Variants in ADAMTS17 observed in about 807,000 individuals in gnomAD.
ADAMTS17 encodes the protein A disintegrin and metalloproteinase with thrombospondin motifs 17.
Under a neutral mutation model 141.5 loss-of-function variants are expected in ADAMTS17, and 113 were observed. The observed-to-expected ratio is 0.80, with a 90% confidence interval of 0.69 to 0.93. The LOEUF is 0.93. ADAMTS17 is among the 40% of genes least tolerant of loss of function. The pLI is 0.00. For synonymous variants in ADAMTS17, 768 were observed against 630.6 expected (o/e 1.22, Z -3.27); for missense variants, 1,659 against 1,517.9 (o/e 1.09, Z -1.54).
intron 18 of ADAMTS17, among the ~76,000 whole-genome samples, chr15:100,029,645 G>A (rs1004563380): frequency 6.6e-6 from 1 of 152,112 alleles, no homozygotes; most frequent in Non-Finnish European, 1.5e-5. Flanking sequence ...TGGGCTCTGG[G>A]CCCTGAAGTC....
chr15:100,095,493 G>A (rs1002871868), intron 15 of ADAMTS17, among the ~76,000 whole-genome samples: 2 of 152,110 alleles, frequency 1.3e-5, no homozygotes, highest in Non-Finnish European at 2.9e-5. Context: ...TCTCTTGTTG[G>A]GGGAAAATGA....
At chr15:100,101,855 C>T (rs776953119) in intron 14 of ADAMTS17, among the ~76,000 whole-genome samples, 6 of 152,202 alleles carry the variant, frequency 3.9e-5, no homozygotes, top group Admixed American at 1.3e-4. Flanking sequence ...CCCATCTCTT[C>T]GGTTGGAGGG....
intron 10 of ADAMTS17, among the ~76,000 whole-genome samples, chr15:100,141,375 T>C (rs1555461062): frequency 1.3e-5 from 2 of 152,170 alleles, no homozygotes; most frequent in Non-Finnish European, 2.9e-5. Context: ...TCTCTGGGCA[T>C]CTGCTGAGGG....
intron 13 of ADAMTS17, among the ~76,000 whole-genome samples, chr15:100,116,131 G>GAAAAAAAAA (rs2037100483): frequency 1.2e-5 from 1 of 80,070 alleles, no homozygotes; most frequent in Non-Finnish European, 2.1e-5. Context: ...ACAGTTTTAG[G>GAAAAAAAAA]TAAAAAAAAA....
At position 100,246,899 on chromosome 15, in the gene ADAMTS17, T is replaced by TTTA. The variant is rs2043005358; in HGVS notation, c.1075+7236_1075+7237insTAA. 6.9e-5 allele frequency among the ~76,000 whole-genome samples: 5 copies of TTTA among 71,958 alleles called. No homozygotes were observed. In the East Asian group the frequency reaches 2.8e-3, roughly 41 times the overall value. The allele number at this position is 71,958 out of a possible 152,430, so 47.2% of individuals were successfully genotyped here. ...TATTTATTTATTTATTTATTTATTT[T>TTTA]TTGAGACAATGTCTCTCTCTGTCGC... On this transcript the variant is annotated intron_variant, in intron 7 of 21. Transcript: ENST00000268070.
intron 4 of ADAMTS17, among the ~76,000 whole-genome samples, 200 bp downstream of exon 4, chr15:100,281,029 G>A (rs552960153): frequency 6.6e-6 from 1 of 152,172 alleles, no homozygotes; most frequent in African/African-American, 2.4e-5. Flanking sequence ...CCAGTGTGGA[G>A]CCGAGGGCAG....
intron 6 of ADAMTS17, chr15:100,256,694 G>C (rs2043338719): frequency 6.5e-6 from 1 of 152,766 alleles, no homozygotes; most frequent in East Asian, 1.9e-4. Flanking sequence ...GCAGCTTCGG[G>C]CCAGCTGTGT....
intron 14 of ADAMTS17, among the ~76,000 whole-genome samples, chr15:100,100,367 C>T (rs982724918): frequency 6.6e-6 from 1 of 152,184 alleles, no homozygotes; most frequent in Non-Finnish European, 1.5e-5. Context: ...TTTCAGCCAT[C>T]ATCCTCATGC....
chr15:100,250,523 A>C (rs1338328613), intron 7 of ADAMTS17, among the ~76,000 whole-genome samples: 1 of 152,230 alleles, frequency 6.6e-6, no homozygotes, highest in Non-Finnish European at 1.5e-5. Context: ...AATACAGATA[A>C]ATGGGTGCCA....
rs1356146528 is a variant in ADAMTS17 at position 99,973,495 on chromosome 15, G to A, written c.*907C>T. 1.3e-5 allele frequency: 2 copies of A among 152,256 alleles called. No homozygotes were observed. The highest frequency in any genetic ancestry group is 4.8e-5 in the African/African-American group (2 of 41,448). 9.4% of individuals were successfully genotyped at this position (152,256 alleles called of 1,614,324 possible). On this transcript the variant is annotated 3_prime_UTR_variant, in exon 22 of 22. Coordinates refer to ENST00000268070, the MANE Select transcript of ADAMTS17 (RefSeq NM_139057.4). Reference sequence around the variant, plus strand: ...GCATCTCTAAGGTACAAAGCTTTAGGAAGTGCAGGCCAGAGTGGATGTTCC... The same window carrying A: ...GCATCTCTAAGGTACAAAGCTTTAGAAAGTGCAGGCCAGAGTGGATGTTCC...
At chr15:100,131,286 T>C (rs2038027246) in intron 12 of ADAMTS17, among the ~76,000 whole-genome samples, 1 of 146,626 alleles carries the variant, frequency 6.8e-6, no homozygotes, top group Non-Finnish European at 1.5e-5. Context: ...AGTTGATGGG[T>C]GCAGCAAACC....
chr15:100,272,955 TTTCTC>T (rs1173336295), intron 4 of ADAMTS17, among the ~76,000 whole-genome samples: 3 of 152,074 alleles, frequency 2.0e-5, no homozygotes, highest in African/African-American at 4.8e-5. Flanking sequence ...GGATGATCAT[TTTCTC>T]TTTTCATTTT....
chr15:100,131,679 T>C (rs1431304373), intron 12 of ADAMTS17, among the ~76,000 whole-genome samples: 1 of 152,200 alleles, frequency 6.6e-6, no homozygotes, highest in Non-Finnish European at 1.5e-5. Context: ...CAGTGTGGAA[T>C]GACCCTGGAC....
intron 15 of ADAMTS17, among the ~76,000 whole-genome samples, chr15:100,060,048 A>G (rs1337541309): frequency 6.6e-6 from 1 of 152,240 alleles, no homozygotes; most frequent in Admixed American, 6.5e-5. Context: ...CCATGGGGCA[A>G]TTAAAATGAT....
chr15:100,327,380 A>G (rs1461041093), intron 3 of ADAMTS17, among the ~76,000 whole-genome samples: 1 of 152,244 alleles, frequency 6.6e-6, no homozygotes, highest in Non-Finnish European at 1.5e-5. Flanking sequence ...CTTAACCTAT[A>G]AAGTAGACAT....
intron 13 of ADAMTS17, 102 bp downstream of exon 13, chr15:100,116,745 G>A: frequency 6.5e-7 from 1 of 1,530,456 alleles, no homozygotes; most frequent in Non-Finnish European, 9.0e-7. Context: ...GTCTTGCTGG[G>A]TTGGTTTGGG....
At position 100,155,340 on chromosome 15, in the gene ADAMTS17, G is replaced by C. The variant is rs918501089; in HGVS notation, c.1182-20C>G. ...CCCAAGCTGTCCAAGAAGGAGGAGA[G>C]AGGGATGCTTATGCTACAAGCTTCT... On this transcript the variant is annotated intron_variant, in intron 8 of 21. Coordinates refer to ENST00000268070, the MANE Select transcript of ADAMTS17 (RefSeq NM_139057.4). 1.4e-5 allele frequency: 23 copies of C among 1,610,526 alleles called. No homozygotes were observed. The highest frequency in any genetic ancestry group is 2.0e-5 in the Non-Finnish European group (23 of 1,178,196).
At chr15:100,285,508 T>C (rs2044417668) in intron 3 of ADAMTS17, among the ~76,000 whole-genome samples, 1 of 152,222 alleles carries the variant, frequency 6.6e-6, no homozygotes, top group Non-Finnish European at 1.5e-5. Flanking sequence ...ATATTTGGCA[T>C]GAAAATTCAA....
chr15:100,130,816 GA>G (rs2037998425), intron 12 of ADAMTS17, among the ~76,000 whole-genome samples: 1 of 150,664 alleles, frequency 6.6e-6, no homozygotes, highest in African/African-American at 2.5e-5. Flanking sequence ...ATCATTAAAA[GA>G]AATGGTAAGA....
Sources: allele counts gnomAD v4.1 joint callset (sites outside exome capture counted in the v4.1 genomes callset), GRCh38; gene constraint gnomAD v4.1.1; transcripts MANE v1.5; gene names NCBI Gene and HGNC (gene_info 2026-07-23, HGNC 2026-07-21).